The following UTRN variants were observed in gnomAD, a reference collection of about 807,000 sequenced individuals.
UTRN encodes the protein dystrophin-related protein 1.
Under a neutral mutation model 463.9 loss-of-function variants are expected in UTRN, and 283 were observed. The observed-to-expected ratio is 0.61, with a 90% CI of 0.55 to 0.67. The LOEUF (loss-of-function observed/expected upper bound fraction) is 0.67. UTRN is among the 30% of genes least tolerant of loss of function. The probability of loss-of-function intolerance (pLI) is 0.00; values close to 1 mark genes in which losing one functional copy is unlikely to be tolerated. For missense variants in UTRN, 3,922 were observed against 4,084.3 expected (o/e 0.96, Z 1.08); for synonymous variants, 1,442 against 1,431.5 (o/e 1.01, Z -0.17).
chr6:144,322,169 G>A (rs1775700145), intron 2 of UTRN, among the ~76,000 whole-genome samples: 1 of 152,316 alleles, frequency 6.6e-6, no homozygotes, highest in East Asian at 1.9e-4. Context: ...TTTATTACAA[G>A]CAAATTTATG....
intron 69 of UTRN, among the ~76,000 whole-genome samples, chr6:144,829,444 A>G (rs945978206): frequency 7.9e-5 from 12 of 152,130 alleles, no homozygotes; most frequent in African/African-American, 2.7e-4. Flanking sequence ...TGATTTCCCC[A>G]TATGTGTATA....
intron 50 of UTRN, among the ~76,000 whole-genome samples, chr6:144,570,889 A>G (rs1800877084): frequency 6.6e-6 from 1 of 152,102 alleles, no homozygotes; most frequent in Non-Finnish European, 1.5e-5. Context: ...CTGCCTTTAC[A>G]CTTAGGTTTC....
intron 12 of UTRN, 30 bp from the exon 13 acceptor site, chr6:144,440,322 A>G: frequency 6.2e-7 from 1 of 1,613,262 alleles, no homozygotes; most frequent in Non-Finnish European, 8.5e-7. Context: ...GAAAGTAGAA[A>G]TAATGGTTTA....
intron 51 of UTRN, among the ~76,000 whole-genome samples, chr6:144,592,372 A>C (rs1206665664): frequency 6.6e-6 from 1 of 151,870 alleles, no homozygotes; most frequent in African/African-American, 2.4e-5. Flanking sequence ...TAAATTTTTA[A>C]ATTTTTTTTT....
rs1314708471 is a variant in UTRN at position 144,408,062 on chromosome 6, C to A, written c.141+4878C>A. Among the ~76,000 whole-genome samples, 3 of 152,182 alleles carry A rather than the reference C, an allele frequency of 2.0e-5. No homozygotes were observed. The East Asian group carries it at 5.8e-4, about 29-fold the overall frequency. On this transcript the variant is annotated intron_variant, in intron 3 of 74. Transcript: ENST00000367545. ...AGACGCAATCGATCATTATTACCTT[C>A]CTTATATCGTGAAGAAATATTGAGG... is the stretch of plus-strand genomic sequence containing the variant.
At chr6:144,310,105 A>C (rs1806110663) in intron 2 of UTRN, among the ~76,000 whole-genome samples, 2 of 152,264 alleles carry the variant, frequency 1.3e-5, no homozygotes, top group African/African-American at 4.8e-5. Flanking sequence ...GTCTAGGTTG[A>C]ATCACTAGTA....
chr6:144,426,244 A>C, intron 6 of UTRN, 43 bp from the exon 7 acceptor site: 1 of 1,562,910 alleles, frequency 6.4e-7, no homozygotes, highest in African/African-American at 1.4e-5. Context: ...GAAGTAAATT[A>C]CTGAAGTATT....
Position 144,836,637 on chromosome 6 carries a change from C to T in UTRN, c.10065+96C>T, listed in dbSNP as rs947445158. 2.6e-6 allele frequency: 4 copies of T among 1,513,854 alleles called. No homozygotes were observed. In the East Asian group the frequency reaches 9.5e-5, roughly 36 times the overall value. The allele number at this position is 1,513,854 out of a possible 1,614,324, so 93.8% of individuals were successfully genotyped here. A position where few individuals can be genotyped will look rare whatever the true frequency, so the allele number is the denominator to read the frequency against. ...AGGTGTCAGGAGAGGCAGAGAAGTC[C>T]ACTTTCAATTTCTTACCTCCGTAGT... On this transcript the variant is annotated intron_variant, in intron 71 of 74. Coordinates refer to ENST00000367545, the MANE Select transcript of UTRN (RefSeq NM_007124.3).
chr6:144,689,368 A>G (rs1202019741), intron 52 of UTRN, among the ~76,000 whole-genome samples: 3 of 152,184 alleles, frequency 2.0e-5, no homozygotes, highest in Non-Finnish European at 2.9e-5. Flanking sequence ...GACTTTCTCC[A>G]CTGAGCCCAG....
chr6:144,824,042 G>A (rs1200510250), intron 66 of UTRN, among the ~76,000 whole-genome samples: 2 of 152,154 alleles, frequency 1.3e-5, no homozygotes, highest in Non-Finnish European at 2.9e-5. Flanking sequence ...TGTTTGATGT[G>A]GGAGGTTGAG....
intron 52 of UTRN, among the ~76,000 whole-genome samples, chr6:144,682,721 T>C (rs1782332194): frequency 6.6e-6 from 1 of 152,204 alleles, no homozygotes; most frequent in Non-Finnish European, 1.5e-5. Flanking sequence ...AATGATCTCT[T>C]CTTTATTTTT....
At position 144,539,329 on chromosome 6, in the gene UTRN, A is replaced by C; in HGVS notation, c.6405A>C (p.Lys2135Asn). ...LTQEMEVHAE[K>N]LKWLNRTELE... The stretch of plus-strand genomic sequence containing the variant: ...AAGAAATGGAAGTACATGCTGAAAA[A>C]CTCAAATGGCTGAATAGAACTGAAT... Residue 2135 changes from lysine to asparagine, a missense_variant, in exon 45 of 75, where the codon AAA (lysine) becomes AAC (asparagine). Coordinates refer to ENST00000367545, the MANE Select transcript of UTRN (RefSeq NM_007124.3). The C allele has an allele frequency of 6.2e-7, 1 of 1,612,656 alleles. No homozygotes were observed. The highest frequency in any genetic ancestry group is 8.5e-7 in the Non-Finnish European group (1 of 1,179,464).
chr6:144,556,718 A>G (rs1799416562), intron 49 of UTRN, among the ~76,000 whole-genome samples: 1 of 152,158 alleles, frequency 6.6e-6, no homozygotes, highest in African/African-American at 2.4e-5. Context: ...TATCTTTGTA[A>G]ACACACCTTG....
chr6:144,390,810 A>AT (rs1781840673), intron 2 of UTRN, among the ~76,000 whole-genome samples: 1 of 152,176 alleles, frequency 6.6e-6, no homozygotes, highest in South Asian at 2.1e-4. Context: ...TGTACCTGAT[A>AT]TATTAGTTAT....
intron 69 of UTRN, 101 bp from the exon 70 acceptor site, chr6:144,835,678 GC>G (rs1346095850): frequency 6.7e-7 from 1 of 1,501,192 alleles, no homozygotes. Context: ...GACAAACTTG[GC>G]CCAGCCACTA....
intron 51 of UTRN, among the ~76,000 whole-genome samples, chr6:144,652,456 C>T (rs1291403387): frequency 6.6e-6 from 1 of 152,188 alleles, no homozygotes; most frequent in Non-Finnish European, 1.5e-5. Flanking sequence ...TCTTTAGACA[C>T]TAGTAGACTC....
At chr6:144,780,699 C>T (rs952370494) in intron 60 of UTRN, among the ~76,000 whole-genome samples, 3 of 152,212 alleles carry the variant, frequency 2.0e-5, no homozygotes, top group Non-Finnish European at 2.9e-5. Context: ...CGGGCCTTTG[C>T]GGGCCTCCCC....
chr6:144,444,164 C>A (rs963541071), intron 13 of UTRN, 117 bp from the exon 14 acceptor site: 12 of 792,038 alleles, frequency 1.5e-5, no homozygotes, highest in African/African-American at 3.7e-5. Context: ...TATAAAAATA[C>A]TTTTTATAAG....
At position 144,544,301 on chromosome 6, in the gene UTRN, A is replaced by G. The variant is rs138092688; in HGVS notation, c.6595+1431A>G. The stretch of plus-strand genomic sequence containing the variant: ...AAAATTAACCATTTTAAAGTGAACA[A>G]TTTGGTGACATTTAATGCATTCACA... On this transcript the variant is annotated intron_variant, in intron 46 of 74. Coordinates refer to ENST00000367545, the MANE Select transcript of UTRN (RefSeq NM_007124.3). Among the ~76,000 whole-genome samples, 275 of 152,292 alleles carry G rather than the reference A, an allele frequency of 1.8e-3. 6 individuals carry two copies. The highest frequency in any genetic ancestry group is 1.2e-3 in the Non-Finnish European group (79 of 68,014).
Sources: allele counts gnomAD v4.1 joint callset (sites outside exome capture counted in the v4.1 genomes callset), GRCh38; gene constraint gnomAD v4.1.1; transcripts MANE v1.5; gene names NCBI Gene and HGNC (gene_info 2026-07-23, HGNC 2026-07-21).